PCBP3: variants seen among roughly 807,000 people sequenced by gnomAD.
PCBP3 encodes poly(rC) binding protein 3.
In PCBP3, 25 loss-of-function variants were observed where a neutral mutation model predicts 52.7. The ratio of observed to expected loss-of-function variants is 0.47; its 90% CI spans 0.35 to 0.66. The LOEUF (loss-of-function observed/expected upper bound fraction) is 0.66, where lower values mean the gene tolerates loss of function less well. Among genes scored for constraint, PCBP3 ranks in the 30% least tolerant of loss-of-function variants. The pLI is 0.01. For missense variants in PCBP3, 391 were observed against 490.3 expected, an observed-to-expected ratio of 0.80 and a Z score of 1.91; for synonymous variants, 162 against 183.0, an observed-to-expected ratio of 0.89 and a Z score of 0.93.
chr21:45,931,890 A>G (rs964735149), intron 15 of PCBP3, among the ~76,000 whole-genome samples: 1 of 151,056 alleles, frequency 6.6e-6, no homozygotes, highest in Admixed American at 6.6e-5. Flanking sequence ...CACATCGGCC[A>G]TGCTGTCCTG....
chr21:45,673,908 A>G (rs1365546890), intron 2 of PCBP3, among the ~76,000 whole-genome samples: 7 of 152,140 alleles, frequency 4.6e-5, no homozygotes, highest in Non-Finnish European at 1.0e-4. Context: ...TCTGAGCTCT[A>G]TTTATAATTA....
chr21:45,875,006 G>A (rs2095197799), intron 5 of PCBP3, among the ~76,000 whole-genome samples: 1 of 152,218 alleles, frequency 6.6e-6, no homozygotes. Flanking sequence ...TGTCCAAGTA[G>A]GGAGCTCTGC....
At chr21:45,898,841 C>T (rs554096557) in intron 6 of PCBP3, among the ~76,000 whole-genome samples, 255 of 130,092 alleles carry the variant, frequency 2.0e-3, no homozygotes, top group African/African-American at 6.7e-3. Context: ...GCCGTCCTCA[C>T]GGCCTCCCTC....
intron 9 of PCBP3, among the ~76,000 whole-genome samples, chr21:45,906,383 C>A (rs2096205573): frequency 6.6e-6 from 1 of 151,906 alleles, no homozygotes; most frequent in Non-Finnish European, 1.5e-5. Context: ...GTCAGGAAGG[C>A]CTTTGGGTAG....
At chr21:45,918,729 G>T in intron 13 of PCBP3, 1 of 143,312 alleles carries the variant, frequency 7.0e-6, no homozygotes, top group Admixed American at 6.9e-5. Context: ...TGTAATTCCA[G>T]TGCTGGAGGA....
chr21:45,750,631 T>G (rs563496743), intron 3 of PCBP3: 1 of 152,302 alleles, frequency 6.6e-6, no homozygotes, highest in South Asian at 2.1e-4. Context: ...AAGAAACAGT[T>G]TCCTAACTTT....
chr21:45,826,825 G>A lies in PCBP3; in HGVS notation c.-125-23136G>A, dbSNP rs187684066. Among the ~76,000 whole-genome samples the A allele has an allele frequency of 9.2e-5, 14 of 152,314 alleles. 1 individual carries two copies. In the East Asian group the frequency reaches 2.5e-3, roughly 27 times the overall value. On this transcript the variant is annotated intron_variant, in intron 4 of 17. Coordinates refer to ENST00000681687, the MANE Select transcript of PCBP3 (RefSeq NM_001384156.1). The stretch of plus-strand genomic sequence containing the variant: ...CTGTTCTCTCTAACCAGAGGAGGAG[G>A]AAAGGGGCAGCCTAGCCGGACAGAA...
intron 15 of PCBP3, among the ~76,000 whole-genome samples, 194 bp from the exon 16 acceptor site, chr21:45,935,059 G>C (rs569019398): frequency 2.6e-5 from 4 of 152,212 alleles, no homozygotes; most frequent in Non-Finnish European, 4.4e-5. Context: ...GAGAGAGGTT[G>C]GGACTAAGGA....
At chr21:45,699,425 C>A (rs17004794) in intron 2 of PCBP3, among the ~76,000 whole-genome samples, 4,123 of 152,292 alleles carry the variant, frequency 0.027, 64 homozygotes, top group Middle Eastern at 0.037. Flanking sequence ...TTTCAACCAA[C>A]ACCCGCTTCC....
rs187951594 is a variant in PCBP3 at position 45,800,653 on chromosome 21, G to T, written c.-126+45201G>T. Among the ~76,000 whole-genome samples, 1 of 152,200 alleles carries T rather than the reference G, an allele frequency of 6.6e-6. No individual in the cohort carries two copies. The highest frequency in any genetic ancestry group is 2.4e-5 in the African/African-American group (1 of 41,454). ...GTGCTGGGCCCTTGGGCCAAGCACCGCATGCAGCCTGGTGCACACCTGTGC... is the reference window on the plus strand; with the variant it reads ...GTGCTGGGCCCTTGGGCCAAGCACCTCATGCAGCCTGGTGCACACCTGTGC... On this transcript the variant is annotated intron_variant, in intron 4 of 17. Coordinates refer to ENST00000681687, the MANE Select transcript of PCBP3 (RefSeq NM_001384156.1). This position sits in a 1 kb window ranked among gnomAD's most constrained non-coding sequence, Gnocchi z 5.3.
intron 3 of PCBP3, among the ~76,000 whole-genome samples, chr21:45,738,502 C>T (rs2086068687): frequency 6.6e-6 from 1 of 152,184 alleles, no homozygotes; most frequent in African/African-American, 2.4e-5. Flanking sequence ...GATCCACACG[C>T]CTCGGCCTCC....
At chr21:45,745,424 C>T (rs1247158037) in intron 3 of PCBP3, among the ~76,000 whole-genome samples, 1 of 152,128 alleles carries the variant, frequency 6.6e-6, no homozygotes. Context: ...GAGGCCCTCC[C>T]CGGCCTGGAC....
intron 2 of PCBP3, among the ~76,000 whole-genome samples, chr21:45,729,514 C>T (rs1006016258): frequency 3.3e-5 from 5 of 152,114 alleles, no homozygotes; most frequent in Non-Finnish European, 7.4e-5. Context: ...TTTCCACCAG[C>T]GATGTATGAG....
intron 5 of PCBP3, among the ~76,000 whole-genome samples, chr21:45,883,905 G>A (rs1020128479): frequency 2.0e-5 from 3 of 152,114 alleles, no homozygotes; most frequent in African/African-American, 7.2e-5. Context: ...AGATGTTAGG[G>A]CTTAAATCTG....
intron 6 of PCBP3, among the ~76,000 whole-genome samples, chr21:45,897,157 A>G (rs993043770): frequency 5.9e-5 from 9 of 152,236 alleles, no homozygotes; most frequent in African/African-American, 2.2e-4. Flanking sequence ...CCTTTGAGAC[A>G]GTGCCAACCT....
intron 1 of PCBP3, among the ~76,000 whole-genome samples, chr21:45,649,667 C>CT (rs958720699): frequency 3.3e-5 from 5 of 152,002 alleles, no homozygotes; most frequent in East Asian, 3.9e-4. Flanking sequence ...TTTTATTGAT[C>CT]TTTTTTTGTC....
rs2092356364 is a variant in PCBP3 at position 45,802,822 on chromosome 21, C to G, written c.-125-47139C>G. 6.6e-6 allele frequency among the ~76,000 whole-genome samples: 1 copy of G among 152,156 alleles called. No homozygotes were observed. The highest frequency in any genetic ancestry group is 1.5e-5 in the Non-Finnish European group (1 of 68,020). ...CCGAGGGCCCTGAGCAGGGCTAACC[C>G]TAGGGAAACCACACACAGGCCACGG... On this transcript the variant is annotated intron_variant, in intron 4 of 17. Coordinates refer to ENST00000681687, the MANE Select transcript of PCBP3 (RefSeq NM_001384156.1). The surrounding 1 kb of genome is among the most constrained non-coding windows in gnomAD (Gnocchi z 5.1).
chr21:45,940,127 C>T lies in PCBP3; in HGVS notation c.1007C>T (p.Ser336Phe), dbSNP rs778499516. 6.2e-7 allele frequency: 1 copy of T among 1,614,128 alleles called. No homozygotes were observed. ...QIKIANATEG[S>F]SERQITITGT... ...AAAATCGCCAACGCCACGGAAGGGTCCTCAGAGCGTCAGATCACCATCACG... is the reference window on the plus strand; with the variant it reads ...AAAATCGCCAACGCCACGGAAGGGTTCTCAGAGCGTCAGATCACCATCACG... Residue 336 changes from serine (S) to phenylalanine (F), a missense_variant, in exon 17 of 18, where the codon TCC becomes TTC. By Grantham distance (155) the Ser-to-Phe change is radical. Transcript: ENST00000681687.
intron 5 of PCBP3, among the ~76,000 whole-genome samples, chr21:45,868,800 T>A (rs1175435744): frequency 2.6e-5 from 4 of 152,190 alleles, no homozygotes; most frequent in Admixed American, 6.5e-5. Context: ...AAGGGAGCCA[T>A]GGCGGACGTC....
Sources: allele counts gnomAD v4.1 joint callset (sites outside exome capture counted in the v4.1 genomes callset), GRCh38; gene constraint gnomAD v4.1.1; non-coding constraint Gnocchi (gnomAD v3.1); transcripts MANE v1.5; gene names NCBI Gene and HGNC (gene_info 2026-07-23, HGNC 2026-07-21).